The following PDE4B variants were observed in gnomAD, a reference collection of about 807,000 sequenced individuals.
The protein encoded by PDE4B is phosphodiesterase 4B.
In PDE4B, 20 loss-of-function variants were observed where a neutral mutation model predicts 82.2. The observed-to-expected ratio is 0.24, with a 90% CI of 0.17 to 0.35. PDE4B has a LOEUF of 0.35. Ranked by LOEUF, PDE4B falls within the 10% of genes least tolerant of loss-of-function variation. PDE4B has a pLI of 1.00. For synonymous variants in PDE4B, 320 were observed against 318.9 expected (o/e 1.00, Z -0.04); for missense variants, 655 against 907.2 (o/e 0.72, Z 3.57).
At chr1:66,341,974 G>A (rs112143602) in intron 8 of PDE4B, among the ~76,000 whole-genome samples, 5 of 152,168 alleles carry the variant, frequency 3.3e-5, no homozygotes, top group African/African-American at 1.2e-4. Context: ...CTTGTAAATA[G>A]TTTAAATCAA....
chr1:66,061,939 GA>G (rs969868876), intron 3 of PDE4B, among the ~76,000 whole-genome samples: 24 of 152,126 alleles, frequency 1.6e-4, no homozygotes, highest in Admixed American at 1.4e-3. Context: ...ATAATAAAAA[GA>G]AGTTCTTAAT....
chr1:65,925,281 G>A (rs982654856), intron 3 of PDE4B, among the ~76,000 whole-genome samples: 6 of 152,078 alleles, frequency 3.9e-5, no homozygotes, highest in Non-Finnish European at 8.8e-5. Context: ...CATGGCACAT[G>A]TTGTATGTAA....
intron 3 of PDE4B, among the ~76,000 whole-genome samples, chr1:66,057,122 T>C (rs1397646208): frequency 6.6e-6 from 1 of 152,204 alleles, no homozygotes; most frequent in Non-Finnish European, 1.5e-5. Flanking sequence ...CAAATTTATT[T>C]ATAGGAGTCC....
At chr1:66,148,573 A>C (rs1646321079) in intron 3 of PDE4B, among the ~76,000 whole-genome samples, 1 of 152,212 alleles carries the variant, frequency 6.6e-6, no homozygotes. Flanking sequence ...GGAATCGTGC[A>C]ATCATCAACC....
At chr1:66,032,064 A>C (rs1653806793) in intron 3 of PDE4B, among the ~76,000 whole-genome samples, 1 of 152,218 alleles carries the variant, frequency 6.6e-6, no homozygotes, top group Non-Finnish European at 1.5e-5. Flanking sequence ...CAAACCATGA[A>C]CCTCACCATC....
intron 3 of PDE4B, among the ~76,000 whole-genome samples, chr1:66,161,334 G>A (rs967240567): frequency 1.3e-5 from 2 of 151,824 alleles, no homozygotes; most frequent in African/African-American, 4.8e-5. Context: ...TCTTTTTAAT[G>A]TATTCTCAGA....
chr1:65,810,566 G>A (rs1377572669), intron 1 of PDE4B, among the ~76,000 whole-genome samples: 2 of 152,068 alleles, frequency 1.3e-5, no homozygotes, highest in Non-Finnish European at 2.9e-5. Context: ...GAGAGTTTCA[G>A]TATGTTCCAG....
intron 3 of PDE4B, among the ~76,000 whole-genome samples, chr1:66,159,973 A>G (rs1314477519): frequency 6.6e-6 from 1 of 152,202 alleles, no homozygotes; most frequent in Non-Finnish European, 1.5e-5. Flanking sequence ...CTTCTAGGAA[A>G]TGACTCTTCC....
chr1:66,325,404 A>AT (rs1232232976), intron 7 of PDE4B, among the ~76,000 whole-genome samples: 1 of 152,214 alleles, frequency 6.6e-6, no homozygotes, highest in Non-Finnish European at 1.5e-5. Flanking sequence ...CCTGAAGTGT[A>AT]TTGTTCATTG....
At chr1:66,043,792 G>A (rs1654528866) in intron 3 of PDE4B, among the ~76,000 whole-genome samples, 1 of 151,640 alleles carries the variant, frequency 6.6e-6, no homozygotes, top group Non-Finnish European at 1.5e-5. Context: ...CACAAAACAG[G>A]CAACAGGATT....
At chr1:66,024,321 G>A (rs1653315019) in intron 3 of PDE4B, among the ~76,000 whole-genome samples, 1 of 152,054 alleles carries the variant, frequency 6.6e-6, no homozygotes, top group Non-Finnish European at 1.5e-5. Flanking sequence ...AGTTGGAAGT[G>A]CTTCAGAGAT....
At chr1:65,952,021 C>T (rs1191439251) in intron 3 of PDE4B, among the ~76,000 whole-genome samples, 1 of 152,076 alleles carries the variant, frequency 6.6e-6, no homozygotes, top group African/African-American at 2.4e-5. Context: ...TTTCTTAGGA[C>T]AGTGTTTTCA....
chr1:65,834,055 G>GT (rs1392316013), intron 1 of PDE4B, among the ~76,000 whole-genome samples: 3 of 151,930 alleles, frequency 2.0e-5, no homozygotes, highest in Non-Finnish European at 2.9e-5. Context: ...TTCGTTCTCT[G>GT]TTTTTTTGAG....
At chr1:66,362,339 G>A (rs1033257476) in intron 10 of PDE4B, among the ~76,000 whole-genome samples, 4 of 152,180 alleles carry the variant, frequency 2.6e-5, no homozygotes, top group African/African-American at 7.2e-5. Flanking sequence ...CTCCAGTAGT[G>A]GAGGGAGGCA....
At chr1:65,954,887 A>G (rs1649178678) in intron 3 of PDE4B, among the ~76,000 whole-genome samples, 1 of 152,116 alleles carries the variant, frequency 6.6e-6, no homozygotes, top group Non-Finnish European at 1.5e-5. Flanking sequence ...CAATTTAGAA[A>G]AAAGTGTTCA....
At chr1:65,871,931 T>C (rs910662975) in intron 1 of PDE4B, among the ~76,000 whole-genome samples, 1 of 152,206 alleles carries the variant, frequency 6.6e-6, no homozygotes, top group Admixed American at 6.6e-5. Flanking sequence ...AGTGCTTTTT[T>C]TGATGGATGT....
Position 66,349,360 on chromosome 1 carries a change from C to T in PDE4B, c.748-6167C>T, listed in dbSNP as rs186011277. On this transcript the variant is annotated intron_variant, in intron 8 of 16. Transcript: ENST00000341517. ...TCGTTGTATACTTACCTATTGATTA[C>T]TACGTTGCTGAGCAGTTAAGACAAG... 8.3e-4 allele frequency among the ~76,000 whole-genome samples: 126 copies of T among 152,242 alleles called. 1 individual carries two copies. Among genetic ancestry groups the T allele is most frequent in the Non-Finnish European group, 5.9e-5 (4 of 68,012 alleles).
At position 66,372,568 on chromosome 1, in the gene PDE4B, T is replaced by A. The variant is rs150977853; in HGVS notation, c.2101T>A (p.Tyr701Asn). 1.9e-6 allele frequency: 3 copies of A among 1,614,138 alleles called. No individual in the cohort carries two copies. The highest frequency in any genetic ancestry group is 2.5e-6 in the Non-Finnish European group (3 of 1,180,006). Residue 701 changes from tyrosine (Y) to asparagine (N), a missense_variant, in exon 17 of 17, where the codon TAT (tyrosine) becomes AAT (asparagine). Coordinates refer to ENST00000341517, the MANE Select transcript of PDE4B (RefSeq NM_002600.4). ...TGAGAAGGAGGGAGAGGGACACAGCTATTTCAGCAGCACAAAGACGCTTTG... is the reference window on the plus strand; with the variant it reads ...TGAGAAGGAGGGAGAGGGACACAGCAATTTCAGCAGCACAAAGACGCTTTG... ...GPEKEGEGHS[Y>N]FSSTKTLCVI...
rs185014920 is a variant in PDE4B at position 66,031,801 on chromosome 1, T to C, written c.281+112966T>C. 3.4e-3 allele frequency among the ~76,000 whole-genome samples: 443 copies of C among 132,144 alleles called. 1 individual carries two copies. The highest frequency in any genetic ancestry group is 5.9e-3 in the Non-Finnish European group (384 of 64,634). The allele number at this position is 132,144 out of a possible 152,430, so 86.7% of individuals were successfully genotyped here. ...TTTTTTCTCCTGTCAACAATAGAAATATTTTTTTTCTAGTTAAATTATGAT... is the reference window on the plus strand; with the variant it reads ...TTTTTTCTCCTGTCAACAATAGAAACATTTTTTTTCTAGTTAAATTATGAT... On this transcript the variant is annotated intron_variant, in intron 3 of 16. Transcript: ENST00000341517.
Sources: gnomAD v4.1 joint callset for allele counts (sites outside exome capture counted in the v4.1 genomes callset) on GRCh38, gnomAD v4.1.1 for gene constraint, MANE v1.5 for transcripts, NCBI Gene and HGNC (gene_info 2026-07-23, HGNC 2026-07-21) for gene names.